Variants in GRIA4 observed in about 807,000 individuals in gnomAD.
The protein encoded by GRIA4 is glutamate ionotropic receptor AMPA type subunit 4.
Under a neutral mutation model 104.0 loss-of-function variants are expected in GRIA4, and 34 were observed. The ratio of observed to expected loss-of-function variants is 0.33; its 90% confidence interval spans 0.25 to 0.44. The LOEUF is 0.44. Among genes scored for constraint, GRIA4 ranks in the 20% least tolerant of loss-of-function variants. The pLI, the probability that GRIA4 is intolerant of heterozygous loss-of-function variation, is 1.00. For synonymous variants in GRIA4, 386 were observed against 381.9 expected (o/e 1.01, Z -0.13); for missense variants, 750 against 1,096.5 (o/e 0.68, Z 4.46).
At chr11:105,687,684 T>C (rs569544072) in intron 3 of GRIA4, among the ~76,000 whole-genome samples, 1 of 152,306 alleles carries the variant, frequency 6.6e-6, no homozygotes, top group East Asian at 1.9e-4. Context: ...TGACGATGGG[T>C]CAGGCATAGC....
In GRIA4 at chr11:105,632,610, A is replaced by T. The variant is rs186124873; in HGVS notation, c.247+20176A>T. On this transcript the variant is annotated intron_variant, in intron 3 of 16. Coordinates refer to ENST00000282499, the MANE Select transcript of GRIA4 (RefSeq NM_000829.4). Reference sequence around the variant, plus strand: ...AACTTGCCTTGATTTTACTAGAAATATCTAAAGCAATGTGCATTAAAATAC... The same window carrying T: ...AACTTGCCTTGATTTTACTAGAAATTTCTAAAGCAATGTGCATTAAAATAC... Among the ~76,000 whole-genome samples the T allele has an allele frequency of 2.8e-3, 430 of 152,314 alleles. 3 individuals are homozygous for T. The highest frequency in any genetic ancestry group is 9.9e-3 in the African/African-American group (411 of 41,552).
At chr11:105,678,457 C>G (rs1952609990) in intron 3 of GRIA4, among the ~76,000 whole-genome samples, 1 of 152,036 alleles carries the variant, frequency 6.6e-6, no homozygotes, top group East Asian at 1.9e-4. Context: ...ATTGGGGAAG[C>G]TAATGCTTTT....
chr11:105,910,537 A>G lies in GRIA4; in HGVS notation c.1261A>G (p.Thr421Ala). The G allele has an allele frequency of 6.7e-7, 1 of 1,493,500 alleles. No homozygotes were observed. Among genetic ancestry groups the G allele is most frequent in the Non-Finnish European group, 9.3e-7 (1 of 1,069,884 alleles). 92.5% of individuals were successfully genotyped at this position (1,493,500 alleles called of 1,614,324 possible). The change falls in exon 10 of 17, where the codon ACA becomes GCA. Residue 421 changes from threonine to alanine, a missense_variant. Around this residue, in one of 3 missense-constraint regions of GRIA4, gnomAD observed 272 missense variants for 524.5 expected, o/e 0.52. Coordinates refer to ENST00000282499, the MANE Select transcript of GRIA4 (RefSeq NM_000829.4). Reference protein sequence around the residue: ...AIENRTVVVTTIMESPYVMYK... With the variant: ...AIENRTVVVTAIMESPYVMYK... ...TGAGAACAGAACAGTGGTTGTAACC[A>G]CAATTATGGTAAGTGTTGGTCTATG...
At chr11:105,937,876 T>G (rs1194166194) in intron 14 of GRIA4, among the ~76,000 whole-genome samples, 1 of 152,166 alleles carries the variant, frequency 6.6e-6, no homozygotes, top group Non-Finnish European at 1.5e-5. Flanking sequence ...AATGCCAAAT[T>G]GCAGGAACCC....
At chr11:105,745,160 A>T (rs966278139) in intron 3 of GRIA4, among the ~76,000 whole-genome samples, 12 of 152,156 alleles carry the variant, frequency 7.9e-5, no homozygotes, top group African/African-American at 2.4e-4. Flanking sequence ...CCAAAATGTG[A>T]ATAATAGTAA....
intron 9 of GRIA4, among the ~76,000 whole-genome samples, chr11:105,907,520 T>C (rs1947084190): frequency 6.6e-6 from 1 of 152,224 alleles, no homozygotes; most frequent in Admixed American, 6.5e-5. Context: ...CATCAGTTTG[T>C]CTGACTTCTG....
intron 4 of GRIA4, among the ~76,000 whole-genome samples, chr11:105,856,697 C>T (rs988815065): frequency 7.2e-5 from 11 of 152,196 alleles, no homozygotes; most frequent in African/African-American, 2.4e-4. Context: ...ACAGACTCTA[C>T]GACAGTGCTT....
chr11:105,840,274 C>T (rs1403806701), intron 4 of GRIA4, among the ~76,000 whole-genome samples: 2 of 151,970 alleles, frequency 1.3e-5, no homozygotes, highest in African/African-American at 2.4e-5. Context: ...CATTATAAAC[C>T]ACTGGACACT....
chr11:105,831,397 G>A (rs1943972807), intron 4 of GRIA4, among the ~76,000 whole-genome samples: 1 of 151,964 alleles, frequency 6.6e-6, no homozygotes, highest in South Asian at 2.1e-4. Context: ...TGCAGATTAA[G>A]GGGAAAGGAA....
intron 5 of GRIA4, among the ~76,000 whole-genome samples, chr11:105,875,769 T>C (rs1239299018): frequency 6.6e-6 from 1 of 152,220 alleles, no homozygotes; most frequent in African/African-American, 2.4e-5. Flanking sequence ...ATCCCCTTTA[T>C]TATTTTTTAC....
chr11:105,891,675 A>G (rs1265221418), intron 6 of GRIA4, among the ~76,000 whole-genome samples: 4 of 152,064 alleles, frequency 2.6e-5, no homozygotes, highest in Admixed American at 6.6e-5. Flanking sequence ...CTAAATATCC[A>G]CTTTGATAGT....
At chr11:105,668,244 T>TTATAC (rs1277747250) in intron 3 of GRIA4, among the ~76,000 whole-genome samples, 2 of 141,156 alleles carry the variant, frequency 1.4e-5, no homozygotes, top group African/African-American at 5.2e-5. Flanking sequence ...TATATATATA[T>TTATAC]ATACTATATT....
Position 105,979,716 on chromosome 11 carries a change from G to A in GRIA4, c.2686G>A (p.Val896Ile). Residue 896 changes from valine (V) to isoleucine (I), a missense_variant, in exon 17 of 17, where the codon GTC becomes ATC. Around this residue, in one of 3 missense-constraint regions of GRIA4, gnomAD observed 68 missense variants for 69.3 expected, o/e 0.98. Transcript: ENST00000282499. ...AATCAGACAAAGTTCAGGATTGGCT[G>A]TCATTGCATCGGACCTACCATAAAA... Reference protein sequence around the residue: ...TAIRQSSGLAVIASDLP With the variant: ...TAIRQSSGLAIIASDLP The A allele has an allele frequency of 1.2e-6, 2 of 1,613,912 alleles. No homozygotes were observed. Among genetic ancestry groups the A allele is most frequent in the Non-Finnish European group, 8.5e-7 (1 of 1,179,816 alleles).
At chr11:105,924,364 A>T in intron 11 of GRIA4, 35 bp from the exon 12 acceptor site, 1 of 1,485,834 alleles carries the variant, frequency 6.7e-7, no homozygotes, top group Non-Finnish European at 9.1e-7. Context: ...GAAATTCATT[A>T]ACCTATGTGT....
chr11:105,754,296 A>T (rs980826339), intron 4 of GRIA4, among the ~76,000 whole-genome samples: 4 of 152,156 alleles, frequency 2.6e-5, no homozygotes, highest in Non-Finnish European at 5.9e-5. Context: ...TTTTTAAAAA[A>T]TTTCTGTGGT....
chr11:105,887,407 T>C (rs1215494973), intron 5 of GRIA4, 112 bp from the exon 6 acceptor site: 4 of 528,422 alleles, frequency 7.6e-6, no homozygotes, highest in Non-Finnish European at 1.3e-5. Context: ...TAAAAAACTA[T>C]CATTTTCCCA....
At chr11:105,978,307 A>G (rs1859095298) in intron 16 of GRIA4, among the ~76,000 whole-genome samples, 1 of 151,738 alleles carries the variant, frequency 6.6e-6, no homozygotes, top group Non-Finnish European at 1.5e-5. Context: ...TCCTTGTTAT[A>G]TTTCCTTGAT....
chr11:105,820,940 G>A (rs181895490), intron 4 of GRIA4, among the ~76,000 whole-genome samples: 1 of 152,250 alleles, frequency 6.6e-6, no homozygotes, highest in East Asian at 1.9e-4. Flanking sequence ...GAACAGAAGA[G>A]CGAAAACTTC....
At chr11:105,947,723 T>C (rs1366356510) in intron 14 of GRIA4, among the ~76,000 whole-genome samples, 1 of 152,218 alleles carries the variant, frequency 6.6e-6, no homozygotes, top group East Asian at 1.9e-4. Context: ...AATAACTGAA[T>C]GACTATGTAA....
Sources: allele counts gnomAD v4.1 joint callset (sites outside exome capture counted in the v4.1 genomes callset), GRCh38; gene constraint gnomAD v4.1.1; regional missense constraint gnomAD v4.1.1; transcripts MANE v1.5; gene names NCBI Gene and HGNC (gene_info 2026-07-23, HGNC 2026-07-21).